The following RAB11FIP3 variants were observed in gnomAD, a reference collection of about 807,000 sequenced individuals.
The protein encoded by RAB11FIP3 is RAB11 family interacting protein 3, also known as rab11 family-interacting protein 3.
Under a neutral mutation model 77.8 loss-of-function variants are expected in RAB11FIP3, and 17 were observed. The observed-to-expected ratio is 0.22, with a 90% CI of 0.15 to 0.33. The LOEUF (loss-of-function observed/expected upper bound fraction) is 0.33. Among genes scored for constraint, RAB11FIP3 ranks in the 10% least tolerant of loss-of-function variants. The pLI is 1.00. For synonymous variants in RAB11FIP3, 437 were observed against 448.2 expected (o/e 0.98, Z 0.31); for missense variants, 1,005 against 1,011.2 (o/e 0.99, Z 0.08).
At chr16:496,792 C>G (rs745473399) in intron 5 of RAB11FIP3, 32 bp from the exon 6 acceptor site, 1 of 1,564,744 alleles carries the variant, frequency 6.4e-7, no homozygotes, top group South Asian at 1.1e-5. Flanking sequence ...TCTGTTCTAA[C>G]AATTTTCCTG....
At position 521,346 on chromosome 16, in the gene RAB11FIP3, T is replaced by C. The variant is rs191619799; in HGVS notation, c.*507T>C. The C allele has an allele frequency of 1.3e-3, 209 of 158,706 alleles. No homozygotes were observed. Among genetic ancestry groups the C allele is most frequent in the African/African-American group, 4.8e-3 (202 of 41,732 alleles). The allele number at this position is 158,706 out of a possible 1,614,324, so 9.8% of individuals were successfully genotyped here. A position where few individuals can be genotyped will look rare whatever the true frequency, so the allele number is the denominator to read the frequency against. On this transcript the variant is annotated 3_prime_UTR_variant, in exon 14 of 14. Coordinates refer to ENST00000262305, the MANE Select transcript of RAB11FIP3 (RefSeq NM_014700.4). ...CCCACATAAGTACGCTGGTGCCGTG[T>C]CACCCATGTTGAGCCGCTCCTGATG... is the stretch of plus-strand genomic sequence containing the variant.
intron 5 of RAB11FIP3, among the ~76,000 whole-genome samples, chr16:492,216 T>TGAAATGC (rs2030284549): frequency 6.6e-6 from 1 of 152,138 alleles, no homozygotes; most frequent in Non-Finnish European, 1.5e-5. Flanking sequence ...TTATGTTCTG[T>TGAAATGC]GAAATGCTGT....
Position 469,931 on chromosome 16 carries a change from T to G in RAB11FIP3, c.809-1364T>G, listed in dbSNP as rs1231349241. On this transcript the variant is annotated intron_variant, in intron 2 of 13. Transcript: ENST00000262305. ...ATCCTCTGCCTCCCTGGCTCAAGCC[T>G]TCAGAGTAGCTAAGACTACAGGTGT... Among the ~76,000 whole-genome samples the G allele has an allele frequency of 8.5e-5, 13 of 152,336 alleles. No homozygotes were observed. The East Asian group carries it at 2.3e-3, about 27-fold the overall frequency.
chr16:436,453 C>T (rs1043696391), intron 1 of RAB11FIP3, among the ~76,000 whole-genome samples: 2 of 151,966 alleles, frequency 1.3e-5, no homozygotes, highest in Admixed American at 6.6e-5. Context: ...CCCCCACACC[C>T]AGCCAATGTT....
At chr16:498,075 C>T (rs1357282143) in intron 6 of RAB11FIP3, among the ~76,000 whole-genome samples, 1 of 152,026 alleles carries the variant, frequency 6.6e-6, no homozygotes, top group Non-Finnish European at 1.5e-5. Flanking sequence ...CAGCCCCAGA[C>T]TCCCTGGGCT....
At chr16:449,411 A>C (rs1437074762) in intron 1 of RAB11FIP3, among the ~76,000 whole-genome samples, 1 of 152,126 alleles carries the variant, frequency 6.6e-6, no homozygotes, top group Non-Finnish European at 1.5e-5. Flanking sequence ...CTCAGGTTCA[A>C]CCACATGGTC....
intron 1 of RAB11FIP3, among the ~76,000 whole-genome samples, chr16:448,532 C>T (rs1163766996): frequency 2.0e-5 from 3 of 151,506 alleles, no homozygotes; most frequent in East Asian, 2.0e-4. Flanking sequence ...GTCAGGAGAT[C>T]GAGACCATCC....
chr16:442,383 T>C (rs975181433), intron 1 of RAB11FIP3, among the ~76,000 whole-genome samples: 2 of 152,186 alleles, frequency 1.3e-5, no homozygotes, highest in African/African-American at 4.8e-5. Flanking sequence ...TAGTTGGAGT[T>C]ATAAATTCAA....
intron 5 of RAB11FIP3, among the ~76,000 whole-genome samples, chr16:492,540 A>AGGGCCCTTCCCG (rs2030655052): frequency 7.3e-6 from 1 of 137,796 alleles, no homozygotes; most frequent in Non-Finnish European, 1.5e-5. Context: ...GAGGCCGTCC[A>AGGGCCCTTCCCG]GAATCTTGGA....
chr16:496,035 C>T (rs920058497), intron 5 of RAB11FIP3, among the ~76,000 whole-genome samples: 1 of 152,190 alleles, frequency 6.6e-6, no homozygotes, highest in Non-Finnish European at 1.5e-5. Flanking sequence ...TAGGCATGAG[C>T]CACCACGCCC....
chr16:494,231 G>T (rs2030897028), intron 5 of RAB11FIP3, among the ~76,000 whole-genome samples: 1 of 151,350 alleles, frequency 6.6e-6, no homozygotes, highest in Admixed American at 6.6e-5. Context: ...TTGCTGGGCT[G>T]CCAGTCCAGG....
chr16:481,531 A>C (rs2056042915), intron 3 of RAB11FIP3, among the ~76,000 whole-genome samples: 1 of 151,940 alleles, frequency 6.6e-6, no homozygotes, highest in Non-Finnish European at 1.5e-5. Context: ...CCCCCAAAAA[A>C]CAAAAAGCAA....
chr16:444,552 C>T (rs1463617347), intron 1 of RAB11FIP3, among the ~76,000 whole-genome samples: 4 of 152,240 alleles, frequency 2.6e-5, no homozygotes, highest in African/African-American at 9.6e-5. Context: ...GTAGTCCTCT[C>T]AAGATTGGGT....
At chr16:493,249 T>TC (rs1349676349) in intron 5 of RAB11FIP3, among the ~76,000 whole-genome samples, 1 of 75,658 alleles carries the variant, frequency 1.3e-5, no homozygotes, top group African/African-American at 5.6e-5. Context: ...AAACTCTGAC[T>TC]CCAAAAAAAA....
At chr16:484,383 G>A (rs181753807) in intron 4 of RAB11FIP3, among the ~76,000 whole-genome samples, 12 of 151,038 alleles carry the variant, frequency 7.9e-5, no homozygotes, top group Middle Eastern at 3.4e-3. Context: ...ACGGAGTCTC[G>A]CTCTGTCGCC....
chr16:480,845 T>C lies in RAB11FIP3; in HGVS notation c.904-1680T>C, dbSNP rs532858623. 2.3e-3 allele frequency among the ~76,000 whole-genome samples: 181 copies of C among 78,374 alleles called. 19 individuals carry two copies. The highest frequency in any genetic ancestry group is 6.0e-3 in the African/African-American group (170 of 28,280). 51.4% of individuals were successfully genotyped at this position (78,374 alleles called of 152,430 possible). A position where few individuals can be genotyped will look rare whatever the true frequency, so the allele number is the denominator to read the frequency against. ...TTTTTTTTCAGACAGAGTTTTGCTC[T>C]TGTTGCCCAGGCTCGAGTGCAATGG... On this transcript the variant is annotated intron_variant, in intron 3 of 13. Coordinates refer to ENST00000262305, the MANE Select transcript of RAB11FIP3 (RefSeq NM_014700.4).
At chr16:511,389 G>A (rs1374241329) in intron 9 of RAB11FIP3, among the ~76,000 whole-genome samples, 5 of 113,866 alleles carry the variant, frequency 4.4e-5, no homozygotes, top group African/African-American at 1.0e-4. Context: ...AGGTAGGAGA[G>A]GTTCCCGACA....
In RAB11FIP3 at chr16:447,164, G is replaced by A. The variant is rs146406322; in HGVS notation, c.715-14240G>A. Reference sequence around the variant, plus strand: ...TACAAAAAATATAAAAATTAGCCAAGTGTGATGGTTTACCCCTGTAGTTCC... The same window carrying A: ...TACAAAAAATATAAAAATTAGCCAAATGTGATGGTTTACCCCTGTAGTTCC... On this transcript the variant is annotated intron_variant, in intron 1 of 13. Coordinates refer to ENST00000262305, the MANE Select transcript of RAB11FIP3 (RefSeq NM_014700.4). Among the ~76,000 whole-genome samples, 709 of 152,148 alleles carry A rather than the reference G, an allele frequency of 4.7e-3. 2 individuals carry two copies. Among genetic ancestry groups the A allele is most frequent in the African/African-American group, 0.016 (669 of 41,520 alleles).
chr16:460,080 T>G (rs1200167697), intron 1 of RAB11FIP3, among the ~76,000 whole-genome samples: 1 of 152,132 alleles, frequency 6.6e-6, no homozygotes, highest in African/African-American at 2.4e-5. Flanking sequence ...TTTCTCCACG[T>G]TGGTCAGGAT....
Sources: allele counts gnomAD v4.1 joint callset (sites outside exome capture counted in the v4.1 genomes callset), GRCh38; gene constraint gnomAD v4.1.1; transcripts MANE v1.5; gene names NCBI Gene and HGNC (gene_info 2026-07-23, HGNC 2026-07-21).